IGF2BP3: variants seen among roughly 807,000 people sequenced by gnomAD.
IGF2BP3 encodes insulin-like growth factor 2 mRNA-binding protein 3.
A neutral mutation model predicts 73.8 loss-of-function variants in IGF2BP3; 9 were observed. That is an observed-to-expected ratio of 0.12 (90% confidence interval 0.07 to 0.21). The LOEUF (loss-of-function observed/expected upper bound fraction) is 0.21. IGF2BP3 is among the 10% of genes least tolerant of loss of function. The probability of loss-of-function intolerance (pLI) is 1.00; values close to 1 mark genes in which losing one functional copy is unlikely to be tolerated. For synonymous variants in IGF2BP3, 258 were observed against 256.7 expected (o/e 1.01, Z -0.05); for missense variants, 542 against 714.0 (o/e 0.76, Z 2.75).
At chr7:23,321,711 C>T (rs1210013538) in intron 10 of IGF2BP3, among the ~76,000 whole-genome samples, 2 of 152,222 alleles carry the variant, frequency 1.3e-5, no homozygotes, top group African/African-American at 4.8e-5. Flanking sequence ...TCTCCCAGCA[C>T]ACAGCTAGAG....
chr7:23,365,449 T>C (rs140017191), intron 3 of IGF2BP3, among the ~76,000 whole-genome samples: 5 of 152,268 alleles, frequency 3.3e-5, no homozygotes, highest in East Asian at 1.9e-4. Context: ...CAATACCGAC[T>C]AAACCTACAA....
At chr7:23,461,172 A>G (rs1788444030) in intron 2 of IGF2BP3, among the ~76,000 whole-genome samples, 1 of 151,846 alleles carries the variant, frequency 6.6e-6, no homozygotes, top group African/African-American at 2.4e-5. Flanking sequence ...CCTTCTCCAC[A>G]GGCTTTCTTC....
intron 2 of IGF2BP3, among the ~76,000 whole-genome samples, chr7:23,456,148 G>A (rs974786990): frequency 1.3e-5 from 2 of 151,586 alleles, no homozygotes; most frequent in Admixed American, 1.3e-4. Flanking sequence ...AAGAAATACA[G>A]AAACTAAAAA....
chr7:23,353,978 C>A (rs931615128), intron 5 of IGF2BP3, among the ~76,000 whole-genome samples: 1 of 152,184 alleles, frequency 6.6e-6, no homozygotes, highest in African/African-American at 2.4e-5. Context: ...ACTACAGATT[C>A]TTTCAAAACA....
chr7:23,443,101 GATTTTTTT>G (rs1787974548), intron 2 of IGF2BP3, among the ~76,000 whole-genome samples: 1 of 126,510 alleles, frequency 7.9e-6, no homozygotes, highest in Non-Finnish European at 1.6e-5. Context: ...ACATTACAGT[GATTTTTTT>G]TTTTTTTTTT....
chr7:23,345,864 G>A (rs941253573), intron 8 of IGF2BP3, 76 bp downstream of exon 8: 1 of 1,510,300 alleles, frequency 6.6e-7, no homozygotes, highest in Non-Finnish European at 8.9e-7. Context: ...TGTAAAGTGG[G>A]AAGCTAAGCC....
rs760950049 is a variant in IGF2BP3, at chr7:23,312,839, G to C, written c.1537C>G (p.Leu513Val). The change falls in exon 14 of 15, where the codon CTT becomes GTT. Residue 513 changes from leucine (L) to valine (V), a missense_variant. Physicochemically the swap from Leu to Val is conservative, Grantham distance 32. This residue lies in a region of IGF2BP3 where 303 missense variants were observed against 472.1 expected (regional missense o/e 0.64). Transcript: ENST00000258729. ...IGKGGKTVNE[L>V]QNLSSAEVVV... ...ACTTCTGCACTTGACAAATTCTGAA[G>C]TTCATTCACCTGAAAGAGATAAATA... 1.2e-6 allele frequency: 2 copies of C among 1,604,236 alleles called. No individual in the cohort carries two copies. The highest frequency in any genetic ancestry group is 4.5e-5 in the East Asian group (2 of 44,854).
intron 1 of IGF2BP3, among the ~76,000 whole-genome samples, chr7:23,468,783 T>A (rs1225038147): frequency 6.6e-6 from 1 of 151,968 alleles, no homozygotes; most frequent in Non-Finnish European, 1.5e-5. Context: ...ATCAGTCCAG[T>A]CTCCAAGCCT....
chr7:23,330,491 C>G (rs1191208301), intron 10 of IGF2BP3, among the ~76,000 whole-genome samples: 1 of 151,856 alleles, frequency 6.6e-6, no homozygotes, highest in African/African-American at 2.4e-5. Flanking sequence ...TCCTGTGAGT[C>G]AAAAGAAATT....
intron 3 of IGF2BP3, among the ~76,000 whole-genome samples, chr7:23,382,328 T>C (rs770714749): frequency 4.6e-5 from 7 of 151,854 alleles, no homozygotes; most frequent in Non-Finnish European, 8.8e-5. Flanking sequence ...GTTGGCAGGA[T>C]AGCAACTCCT....
At chr7:23,337,662 G>A (rs111748963) in intron 10 of IGF2BP3, among the ~76,000 whole-genome samples, 87 of 152,322 alleles carry the variant, frequency 5.7e-4, no homozygotes, top group African/African-American at 2.0e-3. Context: ...CTATCCTCAG[G>A]CAGTGTCCTT....
intron 3 of IGF2BP3, among the ~76,000 whole-genome samples, chr7:23,367,753 C>A (rs1185064347): frequency 6.6e-6 from 1 of 152,050 alleles, no homozygotes; most frequent in East Asian, 1.9e-4. Flanking sequence ...GTAATCCCAG[C>A]ACTTTGGGTG....
intron 3 of IGF2BP3, among the ~76,000 whole-genome samples, chr7:23,364,132 T>G (rs1785303651): frequency 6.6e-6 from 1 of 152,090 alleles, no homozygotes; most frequent in East Asian, 1.9e-4. Context: ...TCCCAGCACT[T>G]TGGGAGGCCG....
At chr7:23,375,776 G>C (rs1316483188) in intron 3 of IGF2BP3, among the ~76,000 whole-genome samples, 2 of 151,936 alleles carry the variant, frequency 1.3e-5, no homozygotes, top group African/African-American at 2.4e-5. Context: ...TTAAAGCTTA[G>C]TTTAAAAGTA....
At chr7:23,440,269 CAAAAA>C (rs35841355) in intron 2 of IGF2BP3, among the ~76,000 whole-genome samples, 1 of 107,618 alleles carries the variant, frequency 9.3e-6, no homozygotes, top group Admixed American at 9.7e-5. Flanking sequence ...TTAGTTATTT[CAAAAA>C]AAAAAAAAAA....
chr7:23,403,408 T>C (rs1404003105), intron 3 of IGF2BP3, among the ~76,000 whole-genome samples: 2 of 152,216 alleles, frequency 1.3e-5, no homozygotes, highest in Non-Finnish European at 1.5e-5. Flanking sequence ...CTTTCTGGTA[T>C]TACTAGGACA....
intron 3 of IGF2BP3, among the ~76,000 whole-genome samples, chr7:23,384,813 C>G (rs1339892775): frequency 6.6e-6 from 1 of 152,158 alleles, no homozygotes. Flanking sequence ...ATCACTTGAG[C>G]CTCAGAGGCA....
chr7:23,325,024 A>C (rs983827504), intron 10 of IGF2BP3, among the ~76,000 whole-genome samples: 5 of 151,778 alleles, frequency 3.3e-5, no homozygotes, highest in South Asian at 2.1e-4. Flanking sequence ...GACAGGGATG[A>C]CCTCTCTCAC....
chr7:23,345,437 A>G lies in IGF2BP3; in HGVS notation c.941+503T>C, dbSNP rs189426611. Among the ~76,000 whole-genome samples the G allele has an allele frequency of 2.2e-4, 33 of 152,362 alleles. No individual in the cohort carries two copies. The East Asian group carries it at 6.4e-3, about 29-fold the overall frequency. ...CAGCTGCCATGTCTTGAGAACACTC[A>G]AGCAGCTCTGTGGAGAAGCCCATGT... On this transcript the variant is annotated intron_variant, in intron 8 of 14. Transcript: ENST00000258729.
Sources: allele counts gnomAD v4.1 joint callset (sites outside exome capture counted in the v4.1 genomes callset), GRCh38; gene constraint gnomAD v4.1.1; regional missense constraint gnomAD v4.1.1; transcripts MANE v1.5; gene names NCBI Gene and HGNC (gene_info 2026-07-23, HGNC 2026-07-21).